Variants in CPEB1 observed in about 807,000 individuals in gnomAD.
The protein encoded by CPEB1 is cytoplasmic polyadenylation element-binding protein 1.
A neutral mutation model predicts 65.8 loss-of-function variants in CPEB1; 7 were observed. That is an observed-to-expected ratio of 0.11 (90% CI 0.06 to 0.20). The LOEUF is 0.20. Among genes scored for constraint, CPEB1 ranks in the 10% least tolerant of loss-of-function variants. The probability of loss-of-function intolerance (pLI) is 1.00; values close to 1 mark genes in which losing one functional copy is unlikely to be tolerated. For missense variants in CPEB1, 551 were observed against 712.2 expected, an observed-to-expected ratio of 0.77 and a Z score of 2.58; for synonymous variants, 262 against 260.0, an observed-to-expected ratio of 1.01 and a Z score of -0.08.
intron 3 of CPEB1, among the ~76,000 whole-genome samples, chr15:82,572,400 G>T (rs529050206): frequency 2.0e-5 from 3 of 152,178 alleles, no homozygotes; most frequent in African/African-American, 7.2e-5. Context: ...TTGGCAGAGT[G>T]GGGGAGAGTC....
At chr15:82,581,937 G>C (rs1218345569) in intron 3 of CPEB1, among the ~76,000 whole-genome samples, 1 of 152,116 alleles carries the variant, frequency 6.6e-6, no homozygotes, top group East Asian at 1.9e-4. Context: ...TCCAGGTATG[G>C]GTATGACTTA....
chr15:82,547,499 T>C (rs1388346315), intron 10 of CPEB1, among the ~76,000 whole-genome samples: 1 of 151,618 alleles, frequency 6.6e-6, no homozygotes, highest in Non-Finnish European at 1.5e-5. Context: ...GGTTTCACCA[T>C]TAGCCAGCAT....
At chr15:82,648,358 C>T (rs899011462), upstream of CPEB1, 2 of 153,248 alleles carry the variant, frequency 1.3e-5, no homozygotes, top group Admixed American at 1.3e-4. Flanking sequence ...CCTTCTCTTC[C>T]AGTGATCTCT....
At chr15:82,620,289 G>A (rs1335018267) in intron 3 of CPEB1, among the ~76,000 whole-genome samples, 1 of 151,872 alleles carries the variant, frequency 6.6e-6, no homozygotes, top group African/African-American at 2.4e-5. Flanking sequence ...GCCGGGTGTG[G>A]TGGCATGTGC....
At chr15:82,618,758 TAAAC>T (rs1342336908) in intron 3 of CPEB1, among the ~76,000 whole-genome samples, 4 of 152,014 alleles carry the variant, frequency 2.6e-5, no homozygotes, top group Admixed American at 2.0e-4. Context: ...AACCTAGAGA[TAAAC>T]TTAAAGAATC....
At chr15:82,579,843 C>A (rs1051455026) in intron 3 of CPEB1, among the ~76,000 whole-genome samples, 1 of 138,568 alleles carries the variant, frequency 7.2e-6, no homozygotes, top group African/African-American at 2.7e-5. Context: ...ACCCGGGAAG[C>A]GGAGCTTGCA....
Position 82,573,650 on chromosome 15 carries a change from C to T in CPEB1, c.272-2118G>A, listed in dbSNP as rs78318126. On this transcript the variant is annotated intron_variant, in intron 3 of 12. Transcript: ENST00000684509. ...TGCATATGATTACCCCCATCCCTCACGAGGAGAGAATCAACTATGCTCTTG... is the reference window on the plus strand; with the variant it reads ...TGCATATGATTACCCCCATCCCTCATGAGGAGAGAATCAACTATGCTCTTG... Among the ~76,000 whole-genome samples, 945 of 152,156 alleles carry T rather than the reference C, an allele frequency of 6.2e-3. 10 individuals carry two copies. The highest frequency in any genetic ancestry group is 0.021 in the African/African-American group (888 of 41,490).
chr15:82,648,557 G>T (rs929170779), upstream of CPEB1: 1 of 152,308 alleles, frequency 6.6e-6, no homozygotes, highest in Non-Finnish European at 1.5e-5. Context: ...ACCGCTTCCG[G>T]CGCTCCTGAC....
chr15:82,625,466 T>A (rs1387498855), intron 3 of CPEB1, among the ~76,000 whole-genome samples: 2 of 152,160 alleles, frequency 1.3e-5, no homozygotes, highest in East Asian at 1.9e-4. Flanking sequence ...GTTAAAAAAA[T>A]AAATAAAAGA....
chr15:82,623,482 A>C (rs1485485033), intron 3 of CPEB1, among the ~76,000 whole-genome samples: 1 of 152,206 alleles, frequency 6.6e-6, no homozygotes, highest in African/African-American at 2.4e-5. Context: ...GTTCAAGACC[A>C]GCCTGGCCAA....
chr15:82,559,820 A>G (rs1429088215), intron 4 of CPEB1, among the ~76,000 whole-genome samples: 5 of 152,234 alleles, frequency 3.3e-5, no homozygotes, highest in Admixed American at 1.3e-4. Flanking sequence ...GTGGTGGCTC[A>G]CGCCTGTAAT....
intron 3 of CPEB1, among the ~76,000 whole-genome samples, chr15:82,625,000 A>G (rs2045634327): frequency 6.6e-6 from 1 of 151,868 alleles, no homozygotes. Flanking sequence ...CATCTGGCTA[A>G]TTTTTCTATT....
intron 1 of CPEB1, among the ~76,000 whole-genome samples, chr15:82,644,930 G>A (rs2047379402): frequency 6.6e-6 from 1 of 152,168 alleles, no homozygotes; most frequent in Non-Finnish European, 1.5e-5. Context: ...TACTTCATGG[G>A]CACTGGTTTG....
chr15:82,623,372 A>G (rs2045484683), intron 3 of CPEB1, among the ~76,000 whole-genome samples: 1 of 152,132 alleles, frequency 6.6e-6, no homozygotes, highest in South Asian at 2.1e-4. Context: ...CTAGTGGGGA[A>G]AAGCATACAG....
intron 12 of CPEB1, among the ~76,000 whole-genome samples, 179 bp downstream of exon 12, chr15:82,546,262 A>G (rs1018541297): frequency 2.0e-5 from 3 of 152,168 alleles, no homozygotes; most frequent in African/African-American, 7.2e-5. Context: ...GGCGCCTGCC[A>G]CCACGCCAGG....
chr15:82,627,450 G>C (rs1241456750), intron 2 of CPEB1, 83 bp from the exon 3 acceptor site: 1 of 1,074,196 alleles, frequency 9.3e-7, no homozygotes, highest in African/African-American at 1.6e-5. Context: ...ATTAGATAAA[G>C]TAGGAAGGAC....
intron 3 of CPEB1, among the ~76,000 whole-genome samples, chr15:82,595,590 A>G (rs2042606539): frequency 6.6e-6 from 1 of 152,218 alleles, no homozygotes; most frequent in Admixed American, 6.5e-5. Flanking sequence ...TGAGTTCACA[A>G]TGATACTAAA....
At chr15:82,647,876 C>T (rs587727767), upstream of CPEB1, 125 of 1,256,490 alleles carry the variant, frequency 9.9e-5, no homozygotes, top group African/African-American at 7.6e-4. Flanking sequence ...GCCATGGGGC[C>T]GGTGTGGCCC....
intron 6 of CPEB1, among the ~76,000 whole-genome samples, chr15:82,555,356 G>A (rs1221061137): frequency 6.6e-6 from 1 of 152,160 alleles, no homozygotes; most frequent in Non-Finnish European, 1.5e-5. Flanking sequence ...AGGACATCTG[G>A]TGACACTCCT....
Sources: gnomAD v4.1 joint callset for allele counts (sites outside exome capture counted in the v4.1 genomes callset) on GRCh38, gnomAD v4.1.1 for gene constraint, MANE v1.5 for transcripts, NCBI Gene and HGNC (gene_info 2026-07-23, HGNC 2026-07-21) for gene names.